PCDH15: variants seen among roughly 807,000 people sequenced by gnomAD.
The protein encoded by PCDH15 is protocadherin-15.
A neutral mutation model predicts 178.5 loss-of-function variants in PCDH15; 129 were observed. The observed-to-expected ratio is 0.72, with a 90% CI of 0.63 to 0.84. The LOEUF is 0.84. Among genes scored for constraint, PCDH15 ranks in the 40% least tolerant of loss-of-function variants. PCDH15 has a pLI of 0.00. For synonymous variants in PCDH15, 800 were observed against 732.0 expected (o/e 1.09, Z -1.50); for missense variants, 2,230 against 2,099.9 (o/e 1.06, Z -1.21).
chr10:54,043,873 C>A (rs534359175), intron 18 of PCDH15, among the ~76,000 whole-genome samples: 9 of 152,030 alleles, frequency 5.9e-5, no homozygotes, highest in Non-Finnish European at 1.3e-4. Flanking sequence ...GAACAGTATC[C>A]CTCGCCTGGA....
chr10:55,224,140 G>T (rs981212679), intron 1 of PCDH15, among the ~76,000 whole-genome samples: 2 of 152,068 alleles, frequency 1.3e-5, no homozygotes, highest in African/African-American at 4.8e-5. Context: ...TGTGGAGCTT[G>T]CAGTGAGCCA....
intron 25 of PCDH15, among the ~76,000 whole-genome samples, chr10:53,931,601 T>C (rs1457922523): frequency 6.8e-6 from 1 of 146,138 alleles, no homozygotes; most frequent in Non-Finnish European, 1.5e-5. Flanking sequence ...TATGAAAATA[T>C]AGAATTATAA....
chr10:55,224,957 C>T (rs543334161), intron 1 of PCDH15, among the ~76,000 whole-genome samples: 33 of 152,086 alleles, frequency 2.2e-4, no homozygotes, highest in Non-Finnish European at 4.6e-4. Context: ...AAGCTCAGTA[C>T]AGCAAAGCCA....
chr10:55,232,881 C>G (rs908129750), intron 1 of PCDH15, among the ~76,000 whole-genome samples: 1 of 152,196 alleles, frequency 6.6e-6, no homozygotes, highest in African/African-American at 2.4e-5. Context: ...AAAATAGGAG[C>G]CTCAGCTGAG....
intron 1 of PCDH15, among the ~76,000 whole-genome samples, chr10:55,261,353 A>C (rs2680331): frequency 0.85 from 128,735 of 152,108 alleles, 55,125 homozygotes; most frequent in East Asian, 0.96. Context: ...ACATGAGGAA[A>C]AAAGGGGCAT....
chr10:54,960,599 A>T (rs1838620118), intron 2 of PCDH15, among the ~76,000 whole-genome samples: 1 of 152,196 alleles, frequency 6.6e-6, no homozygotes, highest in African/African-American at 2.4e-5. Flanking sequence ...AGTAACACCC[A>T]GTCCTTGTTT....
chr10:54,902,729 TCTC>T (rs1954657257), intron 2 of PCDH15, among the ~76,000 whole-genome samples: 1 of 152,152 alleles, frequency 6.6e-6, no homozygotes, highest in African/African-American at 2.4e-5. Context: ...ATATTTGCTC[TCTC>T]CCCCAAATGG....
chr10:54,275,375 A>G (rs1163009172), intron 8 of PCDH15, among the ~76,000 whole-genome samples: 2 of 151,662 alleles, frequency 1.3e-5, no homozygotes, highest in Non-Finnish European at 3.0e-5. Context: ...AAACTGAAGC[A>G]CAGAGAGCAC....
chr10:54,138,139 C>A (rs2043055920), intron 14 of PCDH15, among the ~76,000 whole-genome samples: 1 of 152,052 alleles, frequency 6.6e-6, no homozygotes, highest in East Asian at 1.9e-4. Context: ...TTTTATTTGT[C>A]AGTTGAACAA....
intron 8 of PCDH15, among the ~76,000 whole-genome samples, chr10:54,251,384 T>C (rs1203137335): frequency 1.3e-5 from 2 of 152,208 alleles, no homozygotes; most frequent in Non-Finnish European, 2.9e-5. Context: ...CCTTACAGTA[T>C]CTTTGTTATT....
At chr10:54,078,210 T>TTATG (rs2094375930) in intron 17 of PCDH15, among the ~76,000 whole-genome samples, 1 of 152,138 alleles carries the variant, frequency 6.6e-6, no homozygotes, top group Non-Finnish European at 1.5e-5. Flanking sequence ...GTATGTTTAT[T>TTATG]TATGTAATGT....
At chr10:55,555,591 G>A (rs898917456) in intron 2 of PCDH15, among the ~76,000 whole-genome samples, 6 of 152,008 alleles carry the variant, frequency 3.9e-5, no homozygotes, top group African/African-American at 1.4e-4. Context: ...AGTAAGTGAA[G>A]ACCACTTATT....
At chr10:55,352,523 T>A (rs1844962839) in intron 2 of PCDH15, among the ~76,000 whole-genome samples, 1 of 152,124 alleles carries the variant, frequency 6.6e-6, no homozygotes, top group Admixed American at 6.6e-5. Context: ...TCGAAGCTGA[T>A]CCTCTTACAA....
intron 32 of PCDH15, 55 bp from the exon 33 acceptor site, chr10:53,820,285 G>GTAAT (rs2076210976): frequency 1.5e-5 from 6 of 396,706 alleles, no homozygotes; most frequent in South Asian, 1.3e-4. Flanking sequence ...CCCCAAGAAA[G>GTAAT]TAATTACTCT....
intron 1 of PCDH15, among the ~76,000 whole-genome samples, chr10:54,704,773 T>G (rs773001120): frequency 6.6e-6 from 1 of 152,138 alleles, no homozygotes; most frequent in Non-Finnish European, 1.5e-5. Flanking sequence ...TGGAGATTTC[T>G]CAAAAAACTT....
intron 1 of PCDH15, among the ~76,000 whole-genome samples, chr10:55,265,366 G>A (rs1410445324): frequency 6.8e-6 from 1 of 147,914 alleles, no homozygotes; most frequent in Non-Finnish European, 1.5e-5. Context: ...TATAGGGATA[G>A]ATATATTGGG....
At chr10:54,275,724 C>T (rs2058316814) in intron 8 of PCDH15, among the ~76,000 whole-genome samples, 1 of 151,448 alleles carries the variant, frequency 6.6e-6, no homozygotes, top group African/African-American at 2.4e-5. Context: ...AAGGCATCTC[C>T]CTTGCTGACA....
At chr10:54,002,699 T>C (rs1160990765) in intron 20 of PCDH15, among the ~76,000 whole-genome samples, 1 of 152,158 alleles carries the variant, frequency 6.6e-6, no homozygotes, top group African/African-American at 2.4e-5. Flanking sequence ...TTGGCAGGAC[T>C]TCCTGGGTTG....
intron 2 of PCDH15, among the ~76,000 whole-genome samples, chr10:55,453,567 G>GA (rs1232653583): frequency 2.0e-5 from 3 of 151,876 alleles, no homozygotes; most frequent in South Asian, 2.1e-4. Flanking sequence ...TGCATATACT[G>GA]AAAAAAGTTT....
Sources: gnomAD v4.1 joint callset for allele counts (sites outside exome capture counted in the v4.1 genomes callset) on GRCh38, gnomAD v4.1.1 for gene constraint, MANE v1.5 for transcripts, NCBI Gene and HGNC (gene_info 2026-07-23, HGNC 2026-07-21) for gene names.